TMPRSS15: variants seen among roughly 807,000 people sequenced by gnomAD.
TMPRSS15 encodes transmembrane serine protease 15.
In TMPRSS15, 128 loss-of-function variants were observed where a neutral mutation model predicts 125.3. The ratio of observed to expected loss-of-function variants is 1.02; its 90% CI spans 0.89 to 1.18. The LOEUF is 1.18. TMPRSS15 is among the 50% of genes most tolerant of loss of function. The pLI is 0.00. For missense variants in TMPRSS15, 1,283 were observed against 1,212.7 expected, an observed-to-expected ratio of 1.06 and a Z score of -0.86; for synonymous variants, 446 against 423.2, an observed-to-expected ratio of 1.05 and a Z score of -0.66.
intron 16 of TMPRSS15, among the ~76,000 whole-genome samples, chr21:18,325,893 T>A (rs186093733): frequency 7.8e-4 from 118 of 152,218 alleles, no homozygotes; most frequent in African/African-American, 2.7e-3. Context: ...TGTTTGCTCC[T>A]GTTGATTATT....
Position 18,294,668 on chromosome 21 carries a change from A to C in TMPRSS15, c.2262-16T>G. 1 of 1,604,348 alleles carries C rather than the reference A, an allele frequency of 6.2e-7. No individual in the cohort carries two copies. The highest frequency in any genetic ancestry group is 8.5e-7 in the Non-Finnish European group (1 of 1,171,356). ...ACACTGTTGACTGTAATAGAAGAAC[A>C]ATCATATTTTTAAAATTATGCATTT... On this transcript the variant is annotated splice_polypyrimidine_tract_variant and intron_variant, in intron 19 of 24. Transcript: ENST00000284885.
intron 6 of TMPRSS15, among the ~76,000 whole-genome samples, chr21:18,365,636 CTCTCTTTTT>C (rs1569035611): frequency 1.2e-4 from 5 of 42,332 alleles, no homozygotes; most frequent in African/African-American, 4.4e-4. Context: ...TTCTCTTTCT[CTCTCTTTTT>C]CCTCCCTTCC....
At chr21:18,292,747 A>G (rs2074853774) in intron 21 of TMPRSS15, among the ~76,000 whole-genome samples, 1 of 152,216 alleles carries the variant, frequency 6.6e-6, no homozygotes, top group African/African-American at 2.4e-5. Context: ...TTTGCATCAC[A>G]GTTAGGATAC....
intron 1 of TMPRSS15, among the ~76,000 whole-genome samples, chr21:18,433,452 G>C (rs1024295891): frequency 9.9e-5 from 15 of 151,846 alleles, no homozygotes; most frequent in African/African-American, 3.6e-4. Flanking sequence ...TAACACTTTG[G>C]GAGGCAGACG....
chr21:18,355,340 T>A (rs1425804943), intron 8 of TMPRSS15, among the ~76,000 whole-genome samples: 1 of 151,792 alleles, frequency 6.6e-6, no homozygotes, highest in African/African-American at 2.4e-5. Flanking sequence ...GATTTCATAG[T>A]GTGTTGGATT....
chr21:18,293,540 A>G (rs2074863677), intron 21 of TMPRSS15, among the ~76,000 whole-genome samples: 1 of 152,094 alleles, frequency 6.6e-6, no homozygotes, highest in African/African-American at 2.4e-5. Flanking sequence ...CTATCTAGAG[A>G]GGTGGCATCT....
chr21:18,467,249 G>C (rs1978684183), intron 1 of TMPRSS15, among the ~76,000 whole-genome samples: 1 of 152,058 alleles, frequency 6.6e-6, no homozygotes, highest in South Asian at 2.1e-4. Context: ...ACACGCCAGG[G>C]CCTGTCGATG....
intron 19 of TMPRSS15, among the ~76,000 whole-genome samples, chr21:18,296,882 T>C (rs1435425325): frequency 6.6e-6 from 1 of 152,212 alleles, no homozygotes; most frequent in Non-Finnish European, 1.5e-5. Context: ...AATACTCCTT[T>C]ACCATTTTTA....
At position 18,372,102 on chromosome 21, in the gene TMPRSS15, G is replaced by GTGTGTT. The variant is rs2075797357; in HGVS notation, c.664+90_664+91insAACACA. ...TTTCAGGTATTTGAGATTAGAATGT[G>GTGTGTT]TGTGTGTGTGTGTGTGTGTGTGTGT... On this transcript the variant is annotated intron_variant, in intron 6 of 24. Transcript: ENST00000284885. 5.2e-6 allele frequency: 4 copies of GTGTGTT among 772,808 alleles called. No individual in the cohort carries two copies. In the South Asian group the frequency reaches 7.6e-5, roughly 15 times the overall value. The allele number at this position is 772,808 out of a possible 1,614,324, so 47.9% of individuals were successfully genotyped here.
chr21:18,355,826 A>T (rs571153961), intron 8 of TMPRSS15, among the ~76,000 whole-genome samples: 1 of 151,826 alleles, frequency 6.6e-6, no homozygotes, highest in Non-Finnish European at 1.5e-5. Flanking sequence ...AAAGGATGAG[A>T]TCATGACTTA....
intron 1 of TMPRSS15, among the ~76,000 whole-genome samples, chr21:18,413,301 CTTTT>C (rs1569064027): frequency 1.4e-4 from 12 of 86,978 alleles, no homozygotes; most frequent in African/African-American, 4.9e-4. Flanking sequence ...TCTTTTCTTT[CTTTT>C]CTTTCTTTTC....
intron 12 of TMPRSS15, among the ~76,000 whole-genome samples, chr21:18,342,396 CAT>C: frequency 6.6e-6 from 1 of 152,324 alleles, no homozygotes; most frequent in South Asian, 2.1e-4. Context: ...CTTCCTTACA[CAT>C]ATGACCTAAT....
At chr21:18,287,478 A>G (rs2074779170) in intron 21 of TMPRSS15, among the ~76,000 whole-genome samples, 1 of 152,194 alleles carries the variant, frequency 6.6e-6, no homozygotes, top group South Asian at 2.1e-4. Context: ...GTGGTTATGC[A>G]AAATAACTAA....
At chr21:18,278,529 C>A (rs747640351) in intron 23 of TMPRSS15, among the ~76,000 whole-genome samples, 1 of 152,024 alleles carries the variant, frequency 6.6e-6, no homozygotes, top group Non-Finnish European at 1.5e-5. Context: ...ACCATCCTGA[C>A]CAACATGGTG....
chr21:18,482,409 T>C (rs1978998134), intron 1 of TMPRSS15, among the ~76,000 whole-genome samples: 1 of 151,672 alleles, frequency 6.6e-6, no homozygotes, highest in African/African-American at 2.4e-5. Context: ...ATATATTATA[T>C]ATTTTAAAGT....
intron 1 of TMPRSS15, among the ~76,000 whole-genome samples, chr21:18,400,919 A>T (rs892264923): frequency 6.6e-6 from 1 of 152,168 alleles, no homozygotes; most frequent in African/African-American, 2.4e-5. Flanking sequence ...CTGGGCAAAA[A>T]ACATGAACAA....
intron 3 of TMPRSS15, among the ~76,000 whole-genome samples, chr21:18,386,335 C>T (rs58929576): frequency 0.021 from 3,230 of 152,036 alleles, 117 homozygotes; most frequent in African/African-American, 0.074. Context: ...TAATTCCCAT[C>T]CCCCCACACT....
At chr21:18,326,063 GT>G (rs1199083583) in intron 16 of TMPRSS15, among the ~76,000 whole-genome samples, 1 of 151,958 alleles carries the variant, frequency 6.6e-6, no homozygotes, top group Non-Finnish European at 1.5e-5. Context: ...TCTCTTGCCT[GT>G]TTCCTTCTTT....
intron 16 of TMPRSS15, among the ~76,000 whole-genome samples, chr21:18,317,197 C>G (rs2075176094): frequency 6.6e-6 from 1 of 152,036 alleles, no homozygotes; most frequent in African/African-American, 2.4e-5. Flanking sequence ...CATAAAGCCA[C>G]TTGAAAGGAA....
Sources: gnomAD v4.1 joint callset for allele counts (sites outside exome capture counted in the v4.1 genomes callset) on GRCh38, gnomAD v4.1.1 for gene constraint, MANE v1.5 for transcripts, NCBI Gene and HGNC (gene_info 2026-07-23, HGNC 2026-07-21) for gene names.